Variants in CTDSPL observed in about 807,000 individuals in gnomAD.
CTDSPL encodes CTD small phosphatase like.
A neutral mutation model predicts 30.5 loss-of-function variants in CTDSPL; 8 were observed. The observed-to-expected ratio is 0.26, with a 90% confidence interval of 0.15 to 0.47. CTDSPL has a LOEUF of 0.47. CTDSPL is among the 20% of genes least tolerant of loss of function. The pLI, the probability that CTDSPL is intolerant of heterozygous loss-of-function variation, is 0.99. For missense variants in CTDSPL, 248 were observed against 366.1 expected (o/e 0.68, Z 2.63); for synonymous variants, 110 against 137.9 (o/e 0.80, Z 1.42).
At position 37,980,811 on chromosome 3, in the gene CTDSPL, G is replaced by T; in HGVS notation, c.775G>T (p.Gly259Cys). 1 of 1,614,132 alleles carries T rather than the reference G, an allele frequency of 6.2e-7. No homozygotes were observed. The highest frequency in any genetic ancestry group is 1.1e-5 in the South Asian group (1 of 91,082). The change falls in exon 8 of 8, where the codon GGC becomes TGC. Residue 259 changes from glycine (G) to cysteine (C), a missense_variant. Gly to Cys is a radical substitution (Grantham distance 159). Transcript: ENST00000273179. ...ELLDLIPFFE[G>C]LSREDDVYSM... ...GCTGGACCTCATCCCCTTCTTTGAGGGCCTGAGCCGGGAGGACGACGTGTA... is the reference window on the plus strand; with the variant it reads ...GCTGGACCTCATCCCCTTCTTTGAGTGCCTGAGCCGGGAGGACGACGTGTA...
At position 37,882,630 on chromosome 3, in the gene CTDSPL, A is replaced by G. The variant is rs779412463; in HGVS notation, c.79+20352A>G. ...AGACTCCGTCTCAAAAAATAATAATAATAATAATCCTGGACTCTAGCTGAG... is the reference window on the plus strand; with the variant it reads ...AGACTCCGTCTCAAAAAATAATAATGATAATAATCCTGGACTCTAGCTGAG... On this transcript the variant is annotated intron_variant, in intron 1 of 7. Coordinates refer to ENST00000273179, the MANE Select transcript of CTDSPL (RefSeq NM_001008392.2). 5.3e-5 allele frequency among the ~76,000 whole-genome samples: 8 copies of G among 152,140 alleles called. No homozygotes were observed. In the South Asian group the frequency reaches 1.7e-3, roughly 32 times the overall value.
At chr3:37,914,380 GAGGT>G (rs1319061225) in intron 1 of CTDSPL, among the ~76,000 whole-genome samples, 1 of 152,150 alleles carries the variant, frequency 6.6e-6, no homozygotes, top group Non-Finnish European at 1.5e-5. Context: ...ATGTTAAATA[GAGGT>G]AGTGATGCAG....
Position 37,971,447 on chromosome 3 carries a change from A to G in CTDSPL, c.467A>G (p.Gln156Arg), listed in dbSNP as rs1045665307. Residue 156 changes from glutamine (Q) to arginine (R), a missense_variant, in exon 6 of 8, where the codon CAG becomes CGG. Physicochemically the swap from Gln to Arg is conservative, Grantham distance 43. Transcript: ENST00000273179. ...LKRPHVDEFLQRMGQLFECVL... is the reference protein window; with the variant it reads ...LKRPHVDEFLRRMGQLFECVL... ...CGGCCACATGTGGACGAGTTCCTCC[A>G]GAGGATGGGGCAGCTTTTTGAATGT... The G allele has an allele frequency of 2.5e-6, 4 of 1,614,046 alleles. No individual in the cohort carries two copies. The African/African-American group carries it at 4.0e-5, about 16-fold the overall frequency.
intron 1 of CTDSPL, among the ~76,000 whole-genome samples, chr3:37,895,760 C>A (rs1698383679): frequency 6.6e-6 from 1 of 152,008 alleles, no homozygotes; most frequent in African/African-American, 2.4e-5. Flanking sequence ...GAAAAATAAT[C>A]AAAACAGTAG....
chr3:37,884,079 G>A (rs1698238101), intron 1 of CTDSPL, among the ~76,000 whole-genome samples: 1 of 152,112 alleles, frequency 6.6e-6, no homozygotes, highest in African/African-American at 2.4e-5. Context: ...TAAAATGTTA[G>A]TATATTTCAT....
chr3:37,868,047 A>T (rs1575273635), intron 1 of CTDSPL, among the ~76,000 whole-genome samples: 1 of 152,254 alleles, frequency 6.6e-6, no homozygotes, highest in Middle Eastern at 3.4e-3. Flanking sequence ...TGTAATGATC[A>T]AGTCAGGGTA....
intron 3 of CTDSPL, among the ~76,000 whole-genome samples, chr3:37,959,365 C>T (rs896925129): frequency 6.6e-6 from 1 of 152,212 alleles, no homozygotes; most frequent in African/African-American, 2.4e-5. Context: ...TACATACACA[C>T]GTACGTGAAG....
chr3:37,909,468 G>T (rs1227822832), intron 1 of CTDSPL, among the ~76,000 whole-genome samples: 1 of 152,210 alleles, frequency 6.6e-6, no homozygotes, highest in Non-Finnish European at 1.5e-5. Context: ...CCTGTGGCCT[G>T]CCCCGCACTG....
chr3:37,915,187 A>G (rs142072745), intron 1 of CTDSPL, among the ~76,000 whole-genome samples: 488 of 152,262 alleles, frequency 3.2e-3, no homozygotes, highest in Non-Finnish European at 4.8e-3. Context: ...TTGTTGGTCT[A>G]ATTGATACTC....
At chr3:37,924,210 G>C (rs1042017648) in intron 1 of CTDSPL, among the ~76,000 whole-genome samples, 4 of 152,208 alleles carry the variant, frequency 2.6e-5, no homozygotes, top group Admixed American at 6.5e-5. Context: ...GGCCTAAAGA[G>C]AGAAGAGTAT....
chr3:37,882,166 G>C (rs1175895207), intron 1 of CTDSPL, among the ~76,000 whole-genome samples: 3 of 152,128 alleles, frequency 2.0e-5, no homozygotes, highest in African/African-American at 7.2e-5. Context: ...ATATTGGCTG[G>C]GCACGGTGGC....
chr3:37,949,583 G>A lies in CTDSPL; in HGVS notation c.234+2372G>A, dbSNP rs1272786843. On this transcript the variant is annotated intron_variant, in intron 2 of 7. Coordinates refer to ENST00000273179, the MANE Select transcript of CTDSPL (RefSeq NM_001008392.2). ...CAAGCATTTATAAGACTAGAAGGAT[G>A]GATGCCGAAATATGAAGAGGTTATC... 2.0e-5 allele frequency among the ~76,000 whole-genome samples: 3 copies of A among 152,314 alleles called. No homozygotes were observed. In the East Asian group the frequency reaches 5.8e-4, roughly 29 times the overall value.
rs185599147 is a variant in CTDSPL, at chr3:37,959,586, A to G, written c.267+2443A>G. On this transcript the variant is annotated intron_variant, in intron 3 of 7. Transcript: ENST00000273179. ...TGCCTTGAACATCTTTCCAAATATTAGTAGGTATATATCTGCCTCATTGTT... is the reference window on the plus strand; with the variant it reads ...TGCCTTGAACATCTTTCCAAATATTGGTAGGTATATATCTGCCTCATTGTT... Among the ~76,000 whole-genome samples, 3 of 152,338 alleles carry G rather than the reference A, an allele frequency of 2.0e-5. No individual in the cohort carries two copies. The East Asian group carries it at 5.8e-4, about 29-fold the overall frequency.
intron 1 of CTDSPL, among the ~76,000 whole-genome samples, chr3:37,874,740 A>G (rs578202926): frequency 6.6e-6 from 1 of 152,008 alleles, no homozygotes; most frequent in Non-Finnish European, 1.5e-5. Flanking sequence ...AAAAATAATA[A>G]TAATAATAAT....
At chr3:37,927,141 T>C (rs1698789966) in intron 1 of CTDSPL, among the ~76,000 whole-genome samples, 1 of 152,152 alleles carries the variant, frequency 6.6e-6, no homozygotes, top group African/African-American at 2.4e-5. Flanking sequence ...GACCTCATGA[T>C]GGGCATTTGT....
At chr3:37,883,950 G>A (rs1045407669) in intron 1 of CTDSPL, among the ~76,000 whole-genome samples, 8 of 152,084 alleles carry the variant, frequency 5.3e-5, no homozygotes, top group African/African-American at 1.9e-4. Flanking sequence ...CTTGATATTA[G>A]TTAGGTAAAA....
At chr3:37,863,887 A>G (rs755596561) in intron 1 of CTDSPL, among the ~76,000 whole-genome samples, 4 of 152,222 alleles carry the variant, frequency 2.6e-5, no homozygotes, top group Non-Finnish European at 5.9e-5. Context: ...AAAATAAAGA[A>G]TTCAAACTCT....
In CTDSPL at chr3:37,924,946, T is replaced by C. The variant is rs552303357; in HGVS notation, c.80-22111T>C. 3.3e-5 allele frequency among the ~76,000 whole-genome samples: 5 copies of C among 152,238 alleles called. No homozygotes were observed. The East Asian group carries it at 9.7e-4, about 29-fold the overall frequency. On this transcript the variant is annotated intron_variant, in intron 1 of 7. Coordinates refer to ENST00000273179, the MANE Select transcript of CTDSPL (RefSeq NM_001008392.2). Reference sequence around the variant, plus strand: ...GCTCTCATCCTGTCCCTGTTTCTCCTCAAAGCATTCACTGACCACCCCCTC... The same window carrying C: ...GCTCTCATCCTGTCCCTGTTTCTCCCCAAAGCATTCACTGACCACCCCCTC...
chr3:37,904,282 A>T (rs543973809), intron 1 of CTDSPL, among the ~76,000 whole-genome samples: 9 of 152,352 alleles, frequency 5.9e-5, no homozygotes, highest in Admixed American at 5.2e-4. Flanking sequence ...ATTTAGCACC[A>T]GTTCCCTTTG....
Sources: allele counts gnomAD v4.1 joint callset (sites outside exome capture counted in the v4.1 genomes callset), GRCh38; gene constraint gnomAD v4.1.1; transcripts MANE v1.5; gene names NCBI Gene and HGNC (gene_info 2026-07-23, HGNC 2026-07-21).